Variants in NUMA1 observed in about 807,000 individuals in gnomAD.
The protein encoded by NUMA1 is nuclear mitotic apparatus protein 1.
NUMA1 carries 62 observed loss-of-function variants against 237.1 expected under a neutral mutation model. The ratio of observed to expected loss-of-function variants is 0.26; its 90% CI spans 0.21 to 0.32. The LOEUF (loss-of-function observed/expected upper bound fraction) is 0.32. Among genes scored for constraint, NUMA1 ranks in the 10% least tolerant of loss-of-function variants. The pLI, the probability that NUMA1 is intolerant of heterozygous loss-of-function variation, is 1.00. For missense variants in NUMA1, 2,533 were observed against 2,666.5 expected, an observed-to-expected ratio of 0.95 and a Z score of 1.10; for synonymous variants, 1,028 against 1,066.1, an observed-to-expected ratio of 0.96 and a Z score of 0.70.
Position 72,013,085 on chromosome 11 carries a change from C to T in NUMA1, c.4418G>A (p.Arg1473Gln), listed in dbSNP as rs201910032. 56 of 1,614,198 alleles carry T rather than the reference C, an allele frequency of 3.5e-5. No homozygotes were observed. Among genetic ancestry groups the T allele is most frequent in the Non-Finnish European group, 4.5e-5 (53 of 1,180,022 alleles). Residue 1473 changes from arginine to glutamine, a missense_variant, in exon 15 of 27, where the codon CGG becomes CAG. Arg to Gln is a conservative substitution (Grantham distance 43). This residue lies in a region of NUMA1 where 324 missense variants were observed against 407.6 expected (regional missense o/e 0.79). Transcript: ENST00000393695. The surrounding 1 kb of genome is among the most constrained non-coding windows in gnomAD (Gnocchi z 6.8). ...QFLEVELDQA[R>Q]EKYVQELAAV... is the part of the protein sequence containing the mutation. The stretch of plus-strand genomic sequence containing the variant: ...TGCCAACTCTTGGACATACTTCTCC[C>T]GGGCCTGGTCCAACTCCACTTCCAG...
intron 2 of NUMA1, among the ~76,000 whole-genome samples, chr11:72,042,993 G>A (rs987070063): frequency 1.3e-5 from 2 of 151,994 alleles, no homozygotes; most frequent in African/African-American, 2.4e-5. Flanking sequence ...GTGGTGGCCC[G>A]CACCTACAGT....
chr11:72,004,558 A>G, intron 24 of NUMA1, 82 bp downstream of exon 24: 1 of 1,430,994 alleles, frequency 7.0e-7, no homozygotes, highest in Non-Finnish European at 9.6e-7. Context: ...GGAAGGAGAG[A>G]GAAGGCTCCC....
At chr11:72,054,278 C>T (rs1302058788) in intron 2 of NUMA1, among the ~76,000 whole-genome samples, 1 of 151,766 alleles carries the variant, frequency 6.6e-6, no homozygotes, top group African/African-American at 2.4e-5. Context: ...CCAGCCTGGC[C>T]AACATGGTGA....
At chr11:72,074,151 G>A (rs1352198606) in intron 1 of NUMA1, among the ~76,000 whole-genome samples, 5 of 151,994 alleles carry the variant, frequency 3.3e-5, no homozygotes, top group South Asian at 2.1e-4. Context: ...CCAAGATCAC[G>A]CCATTGCACT....
At chr11:72,005,471 T>A in intron 22 of NUMA1, 102 bp from the exon 23 acceptor site, 1 of 1,130,844 alleles carries the variant, frequency 8.8e-7, no homozygotes, top group Non-Finnish European at 1.3e-6. Context: ...CCCCATAAAC[T>A]TGAAGCCCAG....
intron 1 of NUMA1, among the ~76,000 whole-genome samples, chr11:72,074,194 C>CAAAACAAAAACAAAGACA (rs141971998): frequency 6.7e-6 from 1 of 149,816 alleles, no homozygotes; most frequent in Admixed American, 6.6e-5. Flanking sequence ...AACTCCATCT[C>CAAAACAAAAACAAAGACA]AAAAAAAATT....
Position 72,016,017 on chromosome 11 carries a change from A to C in NUMA1, c.1486T>G (p.Leu496Val). 2.5e-6 allele frequency: 4 copies of C among 1,613,704 alleles called. No homozygotes were observed. Among genetic ancestry groups the C allele is most frequent in the Non-Finnish European group, 3.4e-6 (4 of 1,179,934 alleles). ...GTCAGAGAGGCCACCTGGGCAGTCA[A>C]CCGGGCCCCATGAGCCTGGGAGGCC... Reference protein sequence around the residue: ...EQASQAHGARLTAQVASLTSE... With the variant: ...EQASQAHGARVTAQVASLTSE... The change falls in exon 15 of 27, where the codon TTG becomes GTG. Residue 496 changes from leucine (L) to valine (V), a missense_variant. Around this residue, in one of 3 missense-constraint regions of NUMA1, gnomAD observed 1,414 missense variants for 1,508.1 expected, o/e 0.94. Coordinates refer to ENST00000393695, the MANE Select transcript of NUMA1 (RefSeq NM_006185.4).
At position 72,018,870 on chromosome 11, in the gene NUMA1, T is replaced by G. The variant is rs1938314048; in HGVS notation, c.695A>C (p.Glu232Ala). 6.2e-7 allele frequency: 1 copy of G among 1,613,478 alleles called. No homozygotes were observed. The highest frequency in any genetic ancestry group is 1.3e-5 in the African/African-American group (1 of 74,830). ...QLADERSNRDELELELAENRK... is the reference protein window; with the variant it reads ...QLADERSNRDALELELAENRK... ...GTTCTCAGCTAGCTCCAGCTCCAGC[T>G]CATCCCTATTACTTCTCTCATCAGC... is the stretch of plus-strand genomic sequence containing the variant. The change falls in exon 10 of 27, where the codon GAG becomes GCG. Residue 232 changes from glutamate (E) to alanine (A), a missense_variant. Coordinates refer to ENST00000393695, the MANE Select transcript of NUMA1 (RefSeq NM_006185.4).
In NUMA1 at chr11:72,019,490, A is replaced by G. The variant is rs1467209098; in HGVS notation, c.584+4T>C. Reference sequence around the variant, plus strand: ...TATCCCAGGAGGAGAGGCCCAGAACATACTTGTTCCCACTGGAAGAGGAGG... The same window carrying G: ...TATCCCAGGAGGAGAGGCCCAGAACGTACTTGTTCCCACTGGAAGAGGAGG... On this transcript the variant is annotated splice_donor_region_variant and intron_variant, in intron 9 of 26. Transcript: ENST00000393695. 1.2e-6 allele frequency: 2 copies of G among 1,612,820 alleles called. No individual in the cohort carries two copies. The highest frequency in any genetic ancestry group is 1.7e-5 in the Admixed American group (1 of 59,986).
At chr11:72,068,877 G>A (rs58498429) in intron 2 of NUMA1, among the ~76,000 whole-genome samples, 2 of 152,162 alleles carry the variant, frequency 1.3e-5, no homozygotes, top group Non-Finnish European at 2.9e-5. Context: ...CGGTGTTACT[G>A]TTTTATAGTC....
chr11:72,010,130 GGTA>G (rs1956048785), intron 17 of NUMA1, among the ~76,000 whole-genome samples: 1 of 152,208 alleles, frequency 6.6e-6, no homozygotes, highest in Non-Finnish European at 1.5e-5. Flanking sequence ...GTGGCACCAT[GGTA>G]TGAAGGTGAG....
chr11:72,012,412 GCT>G lies in NUMA1; in HGVS notation c.4637_4638del (p.Glu1546AlafsTer3), dbSNP rs775144522. Reference protein sequence around the residue: ...QVEQLEVFQREQTKQVEELSK... With the variant: ...QVEQLEVFQRXQTKQVEELSK... ...ACCTCAGGCATTACCTGCTTAGTTT[GCT>G]CTCTCTGAAATACCTCTAGCTGCTC... On this transcript the variant is annotated frameshift_variant, in exon 16 of 27. Transcript: ENST00000393695. LOFTEE classifies it high-confidence loss of function. The G allele has an allele frequency of 3.1e-6, 5 of 1,612,990 alleles. No individual in the cohort carries two copies. The highest frequency in any genetic ancestry group is 4.2e-6 in the Non-Finnish European group (5 of 1,179,578).
rs760997980 is a variant in NUMA1, at chr11:72,008,717, G to A, written c.5187C>T (p.Cys1729=). 1.1e-5 allele frequency: 18 copies of A among 1,614,108 alleles called. No homozygotes were observed. The South Asian group carries it at 1.2e-4, about 11-fold the overall frequency. ...TGATACTGAGTGGGGTCCCCTCCTCGCAGCTCAGATCCAGGCTGTCAATAC... is the reference window on the plus strand; with the variant it reads ...TGATACTGAGTGGGGTCCCCTCCTCACAGCTCAGATCCAGGCTGTCAATAC... ...DLSIDSLDLS[C]EEGTPLSITS... is the part of the protein sequence containing the mutation. The change falls in exon 20 of 27, where the codon TGC becomes TGT. Residue 1729 remains cysteine (C), a synonymous_variant. Coordinates refer to ENST00000393695, the MANE Select transcript of NUMA1 (RefSeq NM_006185.4).
In NUMA1 at chr11:72,063,781, G is replaced by A. The variant is rs560888937; in HGVS notation, c.-33+6061C>T. ...AAAATTTAAAAATTAGCCAGGTGTG[G>A]TGGCATACACCTATAGTCCCAGCTA... is the stretch of plus-strand genomic sequence containing the variant. On this transcript the variant is annotated intron_variant, in intron 2 of 26. Coordinates refer to ENST00000393695, the MANE Select transcript of NUMA1 (RefSeq NM_006185.4). Among the ~76,000 whole-genome samples the A allele has an allele frequency of 3.3e-5, 5 of 151,818 alleles. No homozygotes were observed. The East Asian group carries it at 9.7e-4, about 30-fold the overall frequency.
chr11:72,007,428 G>A lies in NUMA1; in HGVS notation c.5224C>T (p.Pro1742Ser), dbSNP rs753096338. Residue 1742 changes from proline to serine, a missense_variant, in exon 21 of 27, where the codon CCT (proline) becomes TCT (serine). Transcript: ENST00000393695. ...CTGGTGCCGTCTGGCTGGGTACGAG[G>A]CAGCTTGCTATGGAAAGGAAACCTG... is the stretch of plus-strand genomic sequence containing the variant. ...GTPLSITSKLPRTQPDGTSVP... is the reference protein window; with the variant it reads ...GTPLSITSKLSRTQPDGTSVP... 1.2e-6 allele frequency: 2 copies of A among 1,613,380 alleles called. No individual in the cohort carries two copies. Among genetic ancestry groups the A allele is most frequent in the Non-Finnish European group, 1.7e-6 (2 of 1,179,916 alleles).
intron 3 of NUMA1, among the ~76,000 whole-genome samples, chr11:72,031,131 T>C (rs1211096499): frequency 6.6e-6 from 1 of 151,498 alleles, no homozygotes; most frequent in African/African-American, 2.4e-5. Context: ...CTCTACTAAA[T>C]AAATAAATAA....
At chr11:72,073,067 A>AAAAAAAAAGC in intron 1 of NUMA1, among the ~76,000 whole-genome samples, 1 of 146,672 alleles carries the variant, frequency 6.8e-6, no homozygotes, top group African/African-American at 2.5e-5. Flanking sequence ...AAAAAAAAAA[A>AAAAAAAAAGC]AGCTGCCTAG....
intron 3 of NUMA1, among the ~76,000 whole-genome samples, chr11:72,031,984 A>AC (rs1940388697): frequency 3.2e-5 from 1 of 31,198 alleles, no homozygotes; most frequent in Non-Finnish European, 1.3e-4. Context: ...AAAAAAAAAA[A>AC]AAAAAGAGAG....
chr11:72,032,459 T>C (rs976652200), intron 3 of NUMA1, among the ~76,000 whole-genome samples: 6 of 152,194 alleles, frequency 3.9e-5, no homozygotes, highest in Non-Finnish European at 7.3e-5. Context: ...TCAAGGACTA[T>C]GGATGCTTGT....
Sources: gnomAD v4.1 joint callset for allele counts (sites outside exome capture counted in the v4.1 genomes callset) on GRCh38, gnomAD v4.1.1 for gene constraint, gnomAD v4.1.1 regional missense constraint, Gnocchi (gnomAD v3.1) non-coding constraint, MANE v1.5 for transcripts, NCBI Gene and HGNC (gene_info 2026-07-23, HGNC 2026-07-21) for gene names.